The following SERP2 variants were observed in gnomAD, a reference collection of about 807,000 sequenced individuals.
SERP2 encodes the protein stress-associated endoplasmic reticulum protein 2.
SERP2 carries 6 observed loss-of-function variants against 9.1 expected under a neutral mutation model. The observed-to-expected ratio is 0.66, with a 90% CI of 0.36 to 1.30. The LOEUF (loss-of-function observed/expected upper bound fraction) is 1.30, where lower values mean the gene tolerates loss of function less well. Among genes scored for constraint, SERP2 ranks in the 50% most tolerant of loss-of-function variants. SERP2 has a pLI of 0.03. For synonymous variants in SERP2, 37 were observed against 27.3 expected, an observed-to-expected ratio of 1.35 and a Z score of -1.10; for missense variants, 58 against 81.9, an observed-to-expected ratio of 0.71 and a Z score of 1.13.
At chr13:44,378,051 G>A (rs1871762489) in intron 1 of SERP2, among the ~76,000 whole-genome samples, 2 of 152,174 alleles carry the variant, frequency 1.3e-5, no homozygotes, top group Admixed American at 1.3e-4. Flanking sequence ...GTGACGAGTG[G>A]ACCCAAGTGA....
At chr13:44,390,296 T>TCTCCC in intron 2 of SERP2, 1 of 188,776 alleles carries the variant, frequency 5.3e-6, no homozygotes, top group Non-Finnish European at 1.1e-5. Flanking sequence ...GCCACCGGTG[T>TCTCCC]CCCCACCCAC....
intron 2 of SERP2, among the ~76,000 whole-genome samples, chr13:44,394,576 T>A (rs1396422717): frequency 6.6e-6 from 1 of 152,244 alleles, no homozygotes; most frequent in African/African-American, 2.4e-5. Context: ...TTGACTTACA[T>A]CCTGCTGATA....
intron 2 of SERP2, chr13:44,390,379 T>C (rs1450937637): frequency 2.2e-6 from 1 of 446,384 alleles, no homozygotes; most frequent in South Asian, 1.6e-5. Flanking sequence ...AATTGGCCTC[T>C]CCTGGAGACT....
At chr13:44,382,794 A>T (rs911277013) in intron 2 of SERP2, among the ~76,000 whole-genome samples, 2 of 152,194 alleles carry the variant, frequency 1.3e-5, no homozygotes, top group Non-Finnish European at 2.9e-5. Context: ...TGTGCCTGGC[A>T]CTGTGCCGGG....
At chr13:44,388,397 A>G (rs989502011) in intron 2 of SERP2, among the ~76,000 whole-genome samples, 2 of 152,198 alleles carry the variant, frequency 1.3e-5, no homozygotes, top group African/African-American at 4.8e-5. Flanking sequence ...TATGTACAGT[A>G]TATCTCCCTA....
At chr13:44,379,792 T>C (rs2138780642) in intron 2 of SERP2, 79 bp downstream of exon 2, 4 of 944,124 alleles carry the variant, frequency 4.2e-6, no homozygotes, top group Non-Finnish European at 6.6e-6. Context: ...ACAAAGCAAA[T>C]AGATGAAAAA....
rs1351119445 is a variant in SERP2, at chr13:44,397,356, G to A, written c.*44G>A. On this transcript the variant is annotated 3_prime_UTR_variant, in exon 3 of 3. Transcript: ENST00000379179. Reference sequence around the variant, plus strand: ...ACCACCTCCCTCCCACTGGAGGCGGGAGGACAACGGAAGCGGTCAGCCAGT... The same window carrying A: ...ACCACCTCCCTCCCACTGGAGGCGGAAGGACAACGGAAGCGGTCAGCCAGT... 11 of 1,491,596 alleles carry A rather than the reference G, an allele frequency of 7.4e-6. No homozygotes were observed. In the African/African-American group the frequency reaches 1.2e-4, roughly 17 times the overall value. 92.4% of individuals were successfully genotyped at this position (1,491,596 alleles called of 1,614,324 possible).
chr13:44,392,733 A>G (rs1054785004), intron 2 of SERP2, among the ~76,000 whole-genome samples: 3 of 152,120 alleles, frequency 2.0e-5, no homozygotes, highest in African/African-American at 7.2e-5. Flanking sequence ...CCTCTGAGCC[A>G]CCCAGCTGTA....
chr13:44,376,996 C>T (rs1311390537), intron 1 of SERP2, among the ~76,000 whole-genome samples: 1 of 152,140 alleles, frequency 6.6e-6, no homozygotes, highest in African/African-American at 2.4e-5. Context: ...TAGTTTTCCC[C>T]ACCTTTTCCA....
chr13:44,377,411 G>T (rs939776915), intron 1 of SERP2, among the ~76,000 whole-genome samples: 1 of 152,192 alleles, frequency 6.6e-6, no homozygotes, highest in African/African-American at 2.4e-5. Context: ...GGTGGAAGAG[G>T]GTGGGAAGGG....
At chr13:44,379,577 G>T in intron 1 of SERP2, 64 bp from the exon 2 acceptor site, 1 of 1,252,190 alleles carries the variant, frequency 8.0e-7, no homozygotes, top group South Asian at 1.3e-5. Context: ...AATGCCTAGT[G>T]ATACTCAAAT....
At chr13:44,393,926 T>C (rs548833007) in intron 2 of SERP2, among the ~76,000 whole-genome samples, 2 of 152,196 alleles carry the variant, frequency 1.3e-5, no homozygotes, top group Admixed American at 1.3e-4. Flanking sequence ...CTTAAAAAAA[T>C]AGACTTTATT....
intron 2 of SERP2, among the ~76,000 whole-genome samples, chr13:44,387,066 T>G (rs1389742333): frequency 6.6e-6 from 1 of 152,226 alleles, no homozygotes; most frequent in Non-Finnish European, 1.5e-5. Context: ...TGAAAGCTTC[T>G]GAAGAATGCT....
intron 2 of SERP2, 62 bp from the exon 3 acceptor site, chr13:44,397,210 T>A: frequency 1.4e-6 from 2 of 1,440,966 alleles, no homozygotes; most frequent in Admixed American, 3.3e-5. Context: ...GGGCTCACTG[T>A]GGGCTGGGTT....
intron 1 of SERP2, among the ~76,000 whole-genome samples, chr13:44,378,616 T>C (rs1871795387): frequency 6.6e-6 from 1 of 152,200 alleles, no homozygotes; most frequent in African/African-American, 2.4e-5. Flanking sequence ...GTGTGTTGAA[T>C]GCAGCCTATT....
chr13:44,384,639 C>T (rs1228924555), intron 2 of SERP2, among the ~76,000 whole-genome samples: 1 of 152,218 alleles, frequency 6.6e-6, no homozygotes, highest in Non-Finnish European at 1.5e-5. Context: ...CAGATAGACC[C>T]TTTTCCTATT....
intron 2 of SERP2, among the ~76,000 whole-genome samples, chr13:44,388,860 T>C (rs1432513611): frequency 6.6e-6 from 1 of 152,190 alleles, no homozygotes; most frequent in African/African-American, 2.4e-5. Flanking sequence ...GGCCTCTCCA[T>C]TTCTGGAAGG....
chr13:44,391,670 A>T (rs562975436), intron 2 of SERP2, among the ~76,000 whole-genome samples: 1 of 152,154 alleles, frequency 6.6e-6, no homozygotes, highest in Non-Finnish European at 1.5e-5. Context: ...CGGCATCTCA[A>T]CATCTCCTGT....
At chr13:44,380,368 C>T (rs1266216418) in intron 2 of SERP2, among the ~76,000 whole-genome samples, 1 of 152,116 alleles carries the variant, frequency 6.6e-6, no homozygotes, top group Non-Finnish European at 1.5e-5. Context: ...TCTAACTACA[C>T]AGCATGCCTT....
Sources: allele counts gnomAD v4.1 joint callset (sites outside exome capture counted in the v4.1 genomes callset), GRCh38; gene constraint gnomAD v4.1.1; transcripts MANE v1.5; gene names NCBI Gene and HGNC (gene_info 2026-07-23, HGNC 2026-07-21).